Variants in SLC38A9 observed in about 807,000 individuals in gnomAD.
SLC38A9 encodes the protein solute carrier family 38 member 9, also known as neutral amino acid transporter 9.
In SLC38A9, 48 loss-of-function variants were observed where a neutral mutation model predicts 62.3. That is an observed-to-expected ratio of 0.77 (90% CI 0.61 to 0.98). SLC38A9 has a LOEUF of 0.98. Ranked by LOEUF, SLC38A9 falls within the 50% of genes least tolerant of loss-of-function variation. The pLI is 0.00. For synonymous variants in SLC38A9, 204 were observed against 227.7 expected, an observed-to-expected ratio of 0.90 and a Z score of 0.94; for missense variants, 541 against 679.8, an observed-to-expected ratio of 0.80 and a Z score of 2.27.
intron 3 of SLC38A9, among the ~76,000 whole-genome samples, chr5:55,687,915 T>C (rs575832671): frequency 6.6e-6 from 1 of 152,272 alleles, no homozygotes; most frequent in East Asian, 1.9e-4. Flanking sequence ...GCCAGGATGG[T>C]CTCAATCTCC....
intron 3 of SLC38A9, among the ~76,000 whole-genome samples, chr5:55,681,165 T>G (rs1752949528): frequency 6.6e-6 from 1 of 152,204 alleles, no homozygotes; most frequent in Non-Finnish European, 1.5e-5. Flanking sequence ...TTCATACCCT[T>G]CATTATAATA....
chr5:55,651,115 C>T (rs923718115), intron 10 of SLC38A9, among the ~76,000 whole-genome samples: 10 of 151,874 alleles, frequency 6.6e-5, no homozygotes, highest in African/African-American at 2.4e-4. Context: ...TCTAGACTGC[C>T]TGCCAGAGAT....
intron 3 of SLC38A9, among the ~76,000 whole-genome samples, chr5:55,690,295 A>G (rs1754545420): frequency 1.3e-5 from 2 of 152,194 alleles, no homozygotes; most frequent in East Asian, 3.9e-4. Flanking sequence ...CCTTGCCTGT[A>G]TTTAGATTTA....
chr5:55,659,944 T>C (rs1271881132), intron 8 of SLC38A9, among the ~76,000 whole-genome samples: 1 of 150,682 alleles, frequency 6.6e-6, no homozygotes, highest in East Asian at 2.0e-4. Flanking sequence ...TTTTGTGTAC[T>C]TTTAGTAGAG....
chr5:55,660,036 G>T (rs1319749170), intron 8 of SLC38A9, among the ~76,000 whole-genome samples: 3 of 151,696 alleles, frequency 2.0e-5, no homozygotes, highest in African/African-American at 4.8e-5. Flanking sequence ...AAAGTGCTGG[G>T]ATTACAGGCA....
At chr5:55,682,062 C>T (rs1277846493) in intron 3 of SLC38A9, among the ~76,000 whole-genome samples, 1 of 94,174 alleles carries the variant, frequency 1.1e-5, no homozygotes, top group Non-Finnish European at 2.7e-5. Context: ...AAAGAGTCTT[C>T]CACTCTCCTC....
chr5:55,667,345 C>T (rs1182734635), intron 7 of SLC38A9, among the ~76,000 whole-genome samples: 1 of 151,898 alleles, frequency 6.6e-6, no homozygotes, highest in Non-Finnish European at 1.5e-5. Context: ...AGAATGGTGC[C>T]GGTACTTGTC....
intron 3 of SLC38A9, chr5:55,673,545 CA>C (rs1160631843): frequency 2.0e-5 from 3 of 152,068 alleles, no homozygotes; most frequent in African/African-American, 7.2e-5. Context: ...CACTGTGCCC[CA>C]AATTGCACAT....
chr5:55,678,356 C>T (rs532623621), intron 3 of SLC38A9, among the ~76,000 whole-genome samples: 198 of 152,100 alleles, frequency 1.3e-3, no homozygotes, highest in Admixed American at 3.1e-3. Context: ...AGGCTGATCT[C>T]GAGCTCCTGA....
At chr5:55,694,772 C>T (rs1755247557) in intron 3 of SLC38A9, among the ~76,000 whole-genome samples, 1 of 144,448 alleles carries the variant, frequency 6.9e-6, no homozygotes, top group African/African-American at 2.5e-5. Flanking sequence ...CTTTCCTTTC[C>T]TGACAGAGTC....
intron 8 of SLC38A9, among the ~76,000 whole-genome samples, chr5:55,664,248 C>T (rs541398586): frequency 1.3e-5 from 2 of 152,062 alleles, no homozygotes; most frequent in Admixed American, 6.6e-5. Flanking sequence ...ATTTAAGTAG[C>T]TGATTTGGGT....
chr5:55,689,555 AC>A (rs1754432611), intron 3 of SLC38A9, among the ~76,000 whole-genome samples: 1 of 152,168 alleles, frequency 6.6e-6, no homozygotes, highest in African/African-American at 2.4e-5. Flanking sequence ...TTACACTAAA[AC>A]CCTTTTGACT....
Position 55,670,456 on chromosome 5 carries a change from T to A in SLC38A9, c.247-577A>T, listed in dbSNP as rs201140632. ...CATCCCTGATTAGTGAATTTAAAAA[T>A]TATTTTTCAAATATAGAAAATCTAA... On this transcript the variant is annotated intron_variant, in intron 4 of 15. Transcript: ENST00000396865. Among the ~76,000 whole-genome samples, 3 of 152,160 alleles carry A rather than the reference T, an allele frequency of 2.0e-5. No individual in the cohort carries two copies. In the East Asian group the frequency reaches 5.8e-4, roughly 29 times the overall value.
At chr5:55,692,728 T>C in intron 3 of SLC38A9, 1 of 985,332 alleles carries the variant, frequency 1.0e-6, no homozygotes, top group Non-Finnish European at 1.2e-6. Flanking sequence ...CAACTTACTG[T>C]AATGGAATGC....
intron 3 of SLC38A9, chr5:55,691,392 G>A (rs1238878407): frequency 1.5e-6 from 2 of 1,344,606 alleles, no homozygotes; most frequent in African/African-American, 1.5e-5. Flanking sequence ...GTGAATTCCT[G>A]CCCTGGGTAA....
chr5:55,641,253 GTA>G (rs1236682996), intron 12 of SLC38A9, among the ~76,000 whole-genome samples: 1 of 152,204 alleles, frequency 6.6e-6, no homozygotes, highest in Admixed American at 6.5e-5. Context: ...TCTTCTCACT[GTA>G]TAACTTAACA....
At chr5:55,704,665 A>T (rs1330174177) in intron 2 of SLC38A9, among the ~76,000 whole-genome samples, 1 of 152,216 alleles carries the variant, frequency 6.6e-6, no homozygotes, top group Non-Finnish European at 1.5e-5. Context: ...ATCACTCCTA[A>T]ATCTCCAACA....
chr5:55,690,724 A>G (rs1754609759), intron 3 of SLC38A9, among the ~76,000 whole-genome samples: 1 of 151,308 alleles, frequency 6.6e-6, no homozygotes, highest in South Asian at 2.1e-4. Context: ...ATTAATAGAT[A>G]AACTCTTCAC....
intron 8 of SLC38A9, among the ~76,000 whole-genome samples, chr5:55,664,140 GA>G (rs56268609): frequency 6.6e-6 from 1 of 150,476 alleles, no homozygotes. Flanking sequence ...CTCAAAAAAA[GA>G]AAAAAAAATT....
Sources: allele counts gnomAD v4.1 joint callset (sites outside exome capture counted in the v4.1 genomes callset), GRCh38; gene constraint gnomAD v4.1.1; transcripts MANE v1.5; gene names NCBI Gene and HGNC (gene_info 2026-07-23, HGNC 2026-07-21).